The following SHISA6 variants were observed in gnomAD, a reference collection of about 807,000 sequenced individuals.
The protein encoded by SHISA6 is protein shisa-6.
In SHISA6, 22 loss-of-function variants were observed where a neutral mutation model predicts 47.9. That is an observed-to-expected ratio of 0.46 (90% CI 0.33 to 0.66). The LOEUF (loss-of-function observed/expected upper bound fraction) is 0.66. Ranked by LOEUF, SHISA6 falls within the 30% of genes least tolerant of loss-of-function variation. The pLI is 0.02. For missense variants in SHISA6, 680 were observed against 764.6 expected (o/e 0.89, Z 1.30); for synonymous variants, 388 against 337.8 (o/e 1.15, Z -1.63).
At chr17:11,499,484 A>G (rs1597552945) in intron 3 of SHISA6, among the ~76,000 whole-genome samples, 1 of 151,934 alleles carries the variant, frequency 6.6e-6, no homozygotes, top group African/African-American at 2.4e-5. Context: ...GGCTCCAAAT[A>G]TCTCTCTTCC....
chr17:11,283,598 A>G (rs11654324), intron 2 of SHISA6, among the ~76,000 whole-genome samples: 33,883 of 152,212 alleles, frequency 0.22, 3,848 homozygotes, highest in African/African-American at 0.24. Context: ...AAGTGGTGTC[A>G]GCAGATACTG....
chr17:11,272,547 C>T (rs1353443537), intron 2 of SHISA6, among the ~76,000 whole-genome samples: 1 of 152,186 alleles, frequency 6.6e-6, no homozygotes, highest in Non-Finnish European at 1.5e-5. Context: ...CTTCAGTTTC[C>T]TGATCTGTAA....
chr17:11,282,998 T>A (rs750794855), intron 2 of SHISA6, among the ~76,000 whole-genome samples: 2 of 152,226 alleles, frequency 1.3e-5, no homozygotes, highest in African/African-American at 2.4e-5. Flanking sequence ...CCAGGATAGT[T>A]TCATTGATCT....
chr17:11,350,687 T>A (rs7213467), intron 2 of SHISA6, among the ~76,000 whole-genome samples: 11,701 of 152,200 alleles, frequency 0.077, 521 homozygotes, highest in African/African-American at 0.12. Context: ...TATCTTTATT[T>A]AATTATTGTA....
chr17:11,254,611 G>T (rs540420086), intron 1 of SHISA6, among the ~76,000 whole-genome samples: 12 of 152,298 alleles, frequency 7.9e-5, no homozygotes, highest in Non-Finnish European at 4.4e-5. Flanking sequence ...TGCGTCTAGG[G>T]CAGGGCTGCC....
At chr17:11,450,872 C>T (rs916318764) in intron 3 of SHISA6, among the ~76,000 whole-genome samples, 2 of 152,032 alleles carry the variant, frequency 1.3e-5, no homozygotes, top group Non-Finnish European at 2.9e-5. Context: ...CACCATGAAC[C>T]TTGCCCCTCA....
chr17:11,497,614 CT>C (rs2071419499), intron 3 of SHISA6, among the ~76,000 whole-genome samples: 1 of 152,214 alleles, frequency 6.6e-6, no homozygotes. Context: ...TGTTCAAAAT[CT>C]TTTCCTTGAC....
chr17:11,330,137 A>G (rs1911044564), intron 2 of SHISA6, among the ~76,000 whole-genome samples: 1 of 152,114 alleles, frequency 6.6e-6, no homozygotes, highest in Admixed American at 6.5e-5. Flanking sequence ...TTTCTAGCAA[A>G]TGTTCCTGGG....
intron 3 of SHISA6, among the ~76,000 whole-genome samples, chr17:11,471,073 G>A (rs1284050775): frequency 2.6e-5 from 4 of 152,100 alleles, no homozygotes. Context: ...CCTGGGCGTG[G>A]TGGCGCATGC....
intron 3 of SHISA6, among the ~76,000 whole-genome samples, chr17:11,432,979 G>A (rs568531318): frequency 2.6e-5 from 4 of 152,246 alleles, no homozygotes; most frequent in African/African-American, 9.6e-5. Flanking sequence ...TTTGATTGTG[G>A]TAACAGTTGC....
At chr17:11,480,487 A>G (rs973693310) in intron 3 of SHISA6, among the ~76,000 whole-genome samples, 8 of 152,192 alleles carry the variant, frequency 5.3e-5, no homozygotes, top group Non-Finnish European at 1.2e-4. Flanking sequence ...TGCCAGGAGA[A>G]GGAAGGTATG....
At chr17:11,314,070 CTG>C (rs1910425298) in intron 2 of SHISA6, among the ~76,000 whole-genome samples, 1 of 152,172 alleles carries the variant, frequency 6.6e-6, no homozygotes, top group African/African-American at 2.4e-5. Flanking sequence ...AAACTGAACT[CTG>C]TGCTCTGCTG....
At chr17:11,289,390 ATAGCTT>A (rs1173583376) in intron 2 of SHISA6, 1 of 151,872 alleles carries the variant, frequency 6.6e-6, no homozygotes, top group Non-Finnish European at 1.5e-5. Flanking sequence ...TTTTTCAGAG[ATAGCTT>A]TGTTAAGATT....
At chr17:11,554,865 C>G (rs2071962229) in intron 4 of SHISA6, among the ~76,000 whole-genome samples, 1 of 152,132 alleles carries the variant, frequency 6.6e-6, no homozygotes, top group Non-Finnish European at 1.5e-5. Context: ...TGTCATTCAT[C>G]TGGCCCTGAG....
intron 3 of SHISA6, among the ~76,000 whole-genome samples, chr17:11,460,250 C>T (rs1915658339): frequency 6.6e-6 from 1 of 152,194 alleles, no homozygotes; most frequent in Non-Finnish European, 1.5e-5. Context: ...AAGAACTTTC[C>T]TACTGCCTGG....
chr17:11,378,865 G>A (rs1460604089), intron 2 of SHISA6, among the ~76,000 whole-genome samples: 1 of 152,174 alleles, frequency 6.6e-6, no homozygotes, highest in Non-Finnish European at 1.5e-5. Context: ...CCCACAGGTT[G>A]TGGTATGATT....
intron 3 of SHISA6, among the ~76,000 whole-genome samples, chr17:11,390,952 A>C (rs76579158): frequency 0.037 from 5,562 of 152,318 alleles, 187 homozygotes; most frequent in Admixed American, 0.087. Context: ...TGAAGTAGAT[A>C]CCATGAACAG....
rs1038618086 is a variant in SHISA6, at chr17:11,409,796, A to G, written c.895+30287A>G. Among the ~76,000 whole-genome samples, 6 of 152,076 alleles carry G rather than the reference A, an allele frequency of 3.9e-5. 1 individual carries two copies. In the Middle Eastern group the frequency reaches 9.6e-3, roughly 242 times the overall value. Reference sequence around the variant, plus strand: ...TTGGGATATCATCTCAACCACATACAGGTAATATCACAAAGGATCAGTGTT... The same window carrying G: ...TTGGGATATCATCTCAACCACATACGGGTAATATCACAAAGGATCAGTGTT... On this transcript the variant is annotated intron_variant, in intron 3 of 5. Coordinates refer to ENST00000441885, the MANE Select transcript of SHISA6 (RefSeq NM_207386.4).
chr17:11,441,261 G>C (rs778068439), intron 3 of SHISA6, among the ~76,000 whole-genome samples: 2 of 152,180 alleles, frequency 1.3e-5, no homozygotes, highest in South Asian at 2.1e-4. Context: ...AAACAGAACA[G>C]ATTTCAAACC....
Sources: allele counts gnomAD v4.1 joint callset (sites outside exome capture counted in the v4.1 genomes callset), GRCh38; gene constraint gnomAD v4.1.1; transcripts MANE v1.5; gene names NCBI Gene and HGNC (gene_info 2026-07-23, HGNC 2026-07-21).